The following PIEZO2 variants were observed in gnomAD, a reference collection of about 807,000 sequenced individuals.
PIEZO2 encodes the protein piezo-type mechanosensitive ion channel component 2.
In PIEZO2, 172 loss-of-function variants were observed where a neutral mutation model predicts 337.3. The observed-to-expected ratio is 0.51, with a 90% CI of 0.45 to 0.58. PIEZO2 has a LOEUF of 0.58. Ranked by LOEUF, PIEZO2 falls within the 20% of genes least tolerant of loss-of-function variation. The pLI is 0.00. For synonymous variants in PIEZO2, 1,251 were observed against 1,228.5 expected (o/e 1.02, Z -0.38); for missense variants, 3,028 against 3,391.3 (o/e 0.89, Z 2.66).
In PIEZO2 at chr18:11,080,010, G is replaced by A. The variant is rs2038682766; in HGVS notation, c.65-13788C>T. On this transcript the variant is annotated intron_variant, in intron 1 of 55. Coordinates refer to ENST00000674853, the MANE Select transcript of PIEZO2 (RefSeq NM_001378183.1). This position sits in a 1 kb window ranked among gnomAD's most constrained non-coding sequence, Gnocchi z 5.4. Reference sequence around the variant, plus strand: ...AGATACGGTCAATATCCACCATTTAGAGGAAGTTAAGGCTCAGAAGGATGC... The same window carrying A: ...AGATACGGTCAATATCCACCATTTAAAGGAAGTTAAGGCTCAGAAGGATGC... Among the ~76,000 whole-genome samples the A allele has an allele frequency of 1.3e-5, 2 of 152,154 alleles. No individual in the cohort carries two copies. The highest frequency in any genetic ancestry group is 4.8e-5 in the African/African-American group (2 of 41,440).
intron 15 of PIEZO2, 48 bp downstream of exon 15, chr18:10,789,031 T>C (rs1330747886): frequency 2.0e-6 from 3 of 1,489,772 alleles, no homozygotes; most frequent in Non-Finnish European, 2.7e-6. Context: ...AGCTCATGTA[T>C]ACTCCTGGGA....
intron 44 of PIEZO2, 108 bp from the exon 45 acceptor site, chr18:10,697,988 A>G: frequency 3.8e-6 from 2 of 525,222 alleles, no homozygotes; most frequent in Non-Finnish European, 5.4e-6. Flanking sequence ...ATAGCTCAGG[A>G]CTGTTTGGGA....
In PIEZO2 at chr18:10,824,107, CTA is replaced by C. The variant is rs1039300409; in HGVS notation, c.918-16835_918-16834del. 2.6e-5 allele frequency among the ~76,000 whole-genome samples: 4 copies of C among 151,928 alleles called. No homozygotes were observed. The highest frequency in any genetic ancestry group is 7.3e-5 in the African/African-American group (3 of 41,366). ...ATACAATTGTTATATGAATTTAACC[CTA>C]TATATATATTTTATGCACATATATA... is the stretch of plus-strand genomic sequence containing the variant. On this transcript the variant is annotated intron_variant, in intron 7 of 55. Coordinates refer to ENST00000674853, the MANE Select transcript of PIEZO2 (RefSeq NM_001378183.1). The surrounding 1 kb of genome is among the most constrained non-coding windows in gnomAD (Gnocchi z 4.4).
Position 11,129,282 on chromosome 18 carries a change from T to C in PIEZO2, c.64+19243A>G, listed in dbSNP as rs1471281463. ...CAAAACTTAAATACAATGAGAATAA[T>C]TGGATCCCGAGGTGGCAGGGACCAA... On this transcript the variant is annotated intron_variant, in intron 1 of 55. Coordinates refer to ENST00000674853, the MANE Select transcript of PIEZO2 (RefSeq NM_001378183.1). The surrounding 1 kb of genome is among the most constrained non-coding windows in gnomAD (Gnocchi z 4.6). Among the ~76,000 whole-genome samples, 2 of 152,168 alleles carry C rather than the reference T, an allele frequency of 1.3e-5. No homozygotes were observed. Among genetic ancestry groups the C allele is most frequent in the South Asian group, 2.1e-4 (1 of 4,826 alleles).
intron 3 of PIEZO2, among the ~76,000 whole-genome samples, chr18:10,924,240 C>T (rs937347080): frequency 3.7e-4 from 56 of 152,068 alleles, no homozygotes; most frequent in South Asian, 1.2e-3. Context: ...TTTAATTTGG[C>T]GCACCGTTAT....
intron 39 of PIEZO2, 57 bp downstream of exon 39, chr18:10,714,707 G>A (rs893257143): frequency 6.7e-7 from 1 of 1,502,566 alleles, no homozygotes; most frequent in African/African-American, 1.4e-5. Context: ...TATATTTGAT[G>A]ACATCCACCT....
intron 2 of PIEZO2, among the ~76,000 whole-genome samples, chr18:11,046,849 G>T (rs7243704): frequency 0.012 from 1,794 of 152,346 alleles, 50 homozygotes; most frequent in African/African-American, 0.041. Flanking sequence ...ATACAAGAGG[G>T]CTGAGGAAGG....
rs1446278353 is a variant in PIEZO2 at position 10,671,159 on chromosome 18, G to C, written c.*368C>G. ...TATATTGCATTGTAGCATCTCTCCA[G>C]GAAGTGCACGGGCCCCACAGAGGAA... On this transcript the variant is annotated 3_prime_UTR_variant, in exon 56 of 56. Transcript: ENST00000674853. 5.0e-6 allele frequency: 1 copy of C among 198,252 alleles called. No homozygotes were observed. The highest frequency in any genetic ancestry group is 2.4e-5 in the African/African-American group (1 of 42,022). 12.3% of individuals were successfully genotyped at this position (198,252 alleles called of 1,614,324 possible).
At chr18:10,774,523 G>A (rs1002356084) in intron 18 of PIEZO2, among the ~76,000 whole-genome samples, 1 of 152,134 alleles carries the variant, frequency 6.6e-6, no homozygotes, top group African/African-American at 2.4e-5. Context: ...AGTTACTGAT[G>A]CGAACTGTCG....
chr18:10,757,227 G>A (rs1264918543), intron 27 of PIEZO2, among the ~76,000 whole-genome samples: 3 of 147,854 alleles, frequency 2.0e-5, no homozygotes, highest in African/African-American at 7.5e-5. Context: ...AGGATGAGAG[G>A]GAGGAAAGGG....
intron 3 of PIEZO2, among the ~76,000 whole-genome samples, chr18:10,931,697 G>GGTGTGTGTGTGTGT (rs369138997): frequency 7.0e-5 from 10 of 143,546 alleles, no homozygotes; most frequent in Admixed American, 3.5e-4. Context: ...TTCTCTGTGT[G>GGTGTGTGTGTGTGT]GTGTGTGTGT....
At chr18:11,117,545 T>C (rs1667877455) in intron 1 of PIEZO2, among the ~76,000 whole-genome samples, 1 of 152,224 alleles carries the variant, frequency 6.6e-6, no homozygotes, top group African/African-American at 2.4e-5. Flanking sequence ...ATAATTTCAA[T>C]GTAACACACC....
Position 11,146,351 on chromosome 18 carries a change from G to T in PIEZO2, c.64+2174C>A, listed in dbSNP as rs1200891503. ...CCTGCCCTGGGGCACAAGCCAGCCA[G>T]CAGGAGGTGAACAGTGTGCGGGCAC... is the stretch of plus-strand genomic sequence containing the variant. On this transcript the variant is annotated intron_variant, in intron 1 of 55. Transcript: ENST00000674853. This position sits in a 1 kb window ranked among gnomAD's most constrained non-coding sequence, Gnocchi z 6.1. Among the ~76,000 whole-genome samples the T allele has an allele frequency of 6.6e-6, 1 of 152,182 alleles. No individual in the cohort carries two copies. Among genetic ancestry groups the T allele is most frequent in the Non-Finnish European group, 1.5e-5 (1 of 68,028 alleles).
chr18:11,060,947 C>A (rs2037930564), intron 2 of PIEZO2, among the ~76,000 whole-genome samples: 1 of 152,122 alleles, frequency 6.6e-6, no homozygotes, highest in South Asian at 2.1e-4. Context: ...GGCAGAGACA[C>A]AACAAAACAA....
In PIEZO2 at chr18:10,741,067, T is replaced by G; in HGVS notation, c.4672A>C (p.Lys1558Gln). 6.5e-7 allele frequency: 1 copy of G among 1,537,142 alleles called. No homozygotes were observed. ...ADKQKAKGKK[K>Q]QWWRPWVDHA... The stretch of plus-strand genomic sequence containing the variant: ...TCAACCCAAGGCCGCCACCACTGCT[T>G]TTTTTTGCCCTTGGCTTTCTGTTTG... Residue 1558 changes from lysine (K) to glutamine (Q), a missense_variant, in exon 33 of 56, where the codon AAG (lysine) becomes CAG (glutamine). Physicochemically the swap from Lys to Gln is moderately conservative, Grantham distance 53. This residue lies in a region of PIEZO2 where 1,925 missense variants were observed against 2,051.9 expected (regional missense o/e 0.94). Coordinates refer to ENST00000674853, the MANE Select transcript of PIEZO2 (RefSeq NM_001378183.1).
intron 1 of PIEZO2, among the ~76,000 whole-genome samples, chr18:11,066,880 G>A (rs562637978): frequency 2.6e-5 from 4 of 152,290 alleles, no homozygotes; most frequent in East Asian, 3.9e-4. Flanking sequence ...GATTACAGGC[G>A]TGAGCCACCG....
rs1598494383 is a variant in PIEZO2 at position 10,797,531 on chromosome 18, A to T, written c.1379-9T>A. 1 of 1,535,832 alleles carries T rather than the reference A, an allele frequency of 6.5e-7. No individual in the cohort carries two copies. Among genetic ancestry groups the T allele is most frequent in the Non-Finnish European group, 8.7e-7 (1 of 1,146,574 alleles). ...TTCCTCCTCTCGCTTTTCTAGATGG[A>T]CGAATACTTTATTTAACTATTTATG... On this transcript the variant is annotated splice_polypyrimidine_tract_variant and intron_variant, in intron 11 of 55. Transcript: ENST00000674853.
chr18:10,997,809 T>C (rs1443590312), intron 2 of PIEZO2, among the ~76,000 whole-genome samples: 2 of 151,888 alleles, frequency 1.3e-5, no homozygotes, highest in African/African-American at 4.8e-5. Flanking sequence ...TTTGCATCAT[T>C]AGAGTTATCA....
rs1192574891 is a variant in PIEZO2, at chr18:11,047,934, T to A, written c.160+18193A>T. 6.6e-6 allele frequency among the ~76,000 whole-genome samples: 1 copy of A among 152,092 alleles called. No homozygotes were observed. The highest frequency in any genetic ancestry group is 1.5e-5 in the Non-Finnish European group (1 of 68,006). ...TGCCAGGAAAGAGGAAAAACAGGCA[T>A]CTTGAGGACGTGAAATCCACATGCA... On this transcript the variant is annotated intron_variant, in intron 2 of 55. Coordinates refer to ENST00000674853, the MANE Select transcript of PIEZO2 (RefSeq NM_001378183.1). This position sits in a 1 kb window ranked among gnomAD's most constrained non-coding sequence, Gnocchi z 7.2.
Sources: gnomAD v4.1 joint callset for allele counts (sites outside exome capture counted in the v4.1 genomes callset) on GRCh38, gnomAD v4.1.1 for gene constraint, gnomAD v4.1.1 regional missense constraint, Gnocchi (gnomAD v3.1) non-coding constraint, MANE v1.5 for transcripts, NCBI Gene and HGNC (gene_info 2026-07-23, HGNC 2026-07-21) for gene names.